The following KCND2 variants were observed in gnomAD, a reference collection of about 807,000 sequenced individuals.
KCND2 encodes potassium voltage-gated channel subfamily D member 2.
Under a neutral mutation model 54.4 loss-of-function variants are expected in KCND2, and 16 were observed. The observed-to-expected ratio is 0.29, with a 90% CI of 0.20 to 0.45. KCND2 has a LOEUF of 0.45. Ranked by LOEUF, KCND2 falls within the 20% of genes least tolerant of loss-of-function variation. The pLI, the probability that KCND2 is intolerant of heterozygous loss-of-function variation, is 1.00. For missense variants in KCND2, 486 were observed against 824.2 expected, an observed-to-expected ratio of 0.59 and a Z score of 5.02; for synonymous variants, 317 against 310.7, an observed-to-expected ratio of 1.02 and a Z score of -0.21.
chr7:120,711,637 A>T (rs754329132), intron 1 of KCND2, among the ~76,000 whole-genome samples: 1 of 152,274 alleles, frequency 6.6e-6, no homozygotes, highest in East Asian at 1.9e-4. Context: ...CTTGACATTA[A>T]TTATTTGTAT....
At chr7:120,592,354 C>G (rs1792682659) in intron 1 of KCND2, among the ~76,000 whole-genome samples, 1 of 152,104 alleles carries the variant, frequency 6.6e-6, no homozygotes, top group South Asian at 2.1e-4. Flanking sequence ...GGGTTCGAGA[C>G]CAGCCTGTCC....
chr7:120,732,178 A>G (rs1323213499), intron 1 of KCND2, among the ~76,000 whole-genome samples: 2 of 152,148 alleles, frequency 1.3e-5, no homozygotes, highest in African/African-American at 2.4e-5. Context: ...AAGAGGACGG[A>G]AGACTGAGAC....
chr7:120,484,381 C>G (rs1802659888), intron 1 of KCND2, among the ~76,000 whole-genome samples: 1 of 152,076 alleles, frequency 6.6e-6, no homozygotes, highest in African/African-American at 2.4e-5. Flanking sequence ...TCCTGAAGTC[C>G]TGGCTCAAGG....
At position 120,434,735 on chromosome 7, in the gene KCND2, G is replaced by A. The variant is rs141942665; in HGVS notation, c.1115+158988G>A. The stretch of plus-strand genomic sequence containing the variant: ...GCCTCTTGTGGGGACACAACTGAGA[G>A]AGCTCGTCATAGCTCATGGGTCCCA... On this transcript the variant is annotated intron_variant, in intron 1 of 5. Transcript: ENST00000331113. Among the ~76,000 whole-genome samples the A allele has an allele frequency of 1.2e-3, 189 of 152,252 alleles. 2 individuals are homozygous for A. In the East Asian group the frequency reaches 0.016, roughly 13 times the overall value.
At chr7:120,707,131 T>C (rs1227922395) in intron 1 of KCND2, among the ~76,000 whole-genome samples, 1 of 152,128 alleles carries the variant, frequency 6.6e-6, no homozygotes, top group Non-Finnish European at 1.5e-5. Context: ...GAACTTCTTT[T>C]TTGGTTTAAC....
chr7:120,334,843 T>C (rs1048739556), intron 1 of KCND2, among the ~76,000 whole-genome samples: 8 of 152,238 alleles, frequency 5.3e-5, no homozygotes, highest in Non-Finnish European at 1.2e-4. Flanking sequence ...AGGATTTAAA[T>C]TGTATTACAG....
chr7:120,381,461 A>G (rs922029882), intron 1 of KCND2, among the ~76,000 whole-genome samples: 1 of 152,130 alleles, frequency 6.6e-6, no homozygotes, highest in Non-Finnish European at 1.5e-5. Context: ...GATAGACAAT[A>G]AAAATAAGAC....
chr7:120,332,968 C>T (rs1800089798), intron 1 of KCND2, among the ~76,000 whole-genome samples: 1 of 152,046 alleles, frequency 6.6e-6, no homozygotes, highest in Admixed American at 6.5e-5. Context: ...ACCTTACATA[C>T]AGTTTAAAAT....
At chr7:120,472,378 A>T (rs7785421) in intron 1 of KCND2, among the ~76,000 whole-genome samples, 41,107 of 151,812 alleles carry the variant, frequency 0.27, 7,349 homozygotes, top group African/African-American at 0.49. Context: ...AATGGCAGAT[A>T]AGAGAATACC....
At position 120,733,038 on chromosome 7, in the gene KCND2, A is replaced by G; in HGVS notation, c.1251A>G (p.Gln417=). 1 of 1,613,588 alleles carries G rather than the reference A, an allele frequency of 6.2e-7. No individual in the cohort carries two copies. The highest frequency in any genetic ancestry group is 8.5e-7 in the Non-Finnish European group (1 of 1,179,702). Residue 417 remains glutamine (Q), a synonymous_variant, in exon 2 of 6, where the codon CAA becomes CAG. Transcript: ENST00000331113. ...SNFSRIYHQN[Q]RADKRRAQKK... ...TCAGTCGCATCTACCACCAGAATCAACGAGCAGACAAACGAAGGGCACAAA... is the reference window on the plus strand; with the variant it reads ...TCAGTCGCATCTACCACCAGAATCAGCGAGCAGACAAACGAAGGGCACAAA...
chr7:120,524,816 C>T (rs981237732), intron 1 of KCND2, among the ~76,000 whole-genome samples: 1 of 152,144 alleles, frequency 6.6e-6, no homozygotes, highest in South Asian at 2.1e-4. Flanking sequence ...GGTTAGCTAA[C>T]TTAGGATACC....
intron 1 of KCND2, among the ~76,000 whole-genome samples, chr7:120,669,341 T>C (rs1424579985): frequency 6.6e-6 from 1 of 152,108 alleles, no homozygotes; most frequent in Non-Finnish European, 1.5e-5. Context: ...CTTACACTTA[T>C]TTGGCTTTTG....
At chr7:120,547,941 C>G (rs1249644358) in intron 1 of KCND2, among the ~76,000 whole-genome samples, 2 of 151,994 alleles carry the variant, frequency 1.3e-5, no homozygotes, top group Non-Finnish European at 2.9e-5. Context: ...GAGACAGACT[C>G]TGACCTCAGA....
At chr7:120,711,191 G>T (rs1792532905) in intron 1 of KCND2, among the ~76,000 whole-genome samples, 1 of 152,022 alleles carries the variant, frequency 6.6e-6, no homozygotes, top group African/African-American at 2.4e-5. Flanking sequence ...TTTATGAATT[G>T]TGTGAGAGAT....
At chr7:120,586,744 A>G (rs1430585511) in intron 1 of KCND2, among the ~76,000 whole-genome samples, 1 of 152,150 alleles carries the variant, frequency 6.6e-6, no homozygotes, top group African/African-American at 2.4e-5. Flanking sequence ...CTACCAGTGT[A>G]GCATTTTAAG....
chr7:120,432,952 A>C (rs964450188), intron 1 of KCND2, among the ~76,000 whole-genome samples: 1 of 152,034 alleles, frequency 6.6e-6, no homozygotes, highest in Non-Finnish European at 1.5e-5. Flanking sequence ...TGCAAGGCCA[A>C]ATCTCAACTC....
rs1192838970 is a variant in KCND2 at position 120,740,223 on chromosome 7, CTAGGAG to C, written c.1279-1309_1279-1304del. The stretch of plus-strand genomic sequence containing the variant: ...TATTACCAGTGATTGTTTCTGAAGC[CTAGGAG>C]TGGGATGGCTCCAGGGTCAGAGACA... On this transcript the variant is annotated intron_variant, in intron 2 of 5. Coordinates refer to ENST00000331113, the MANE Select transcript of KCND2 (RefSeq NM_012281.3). Among the ~76,000 whole-genome samples, 7 of 152,030 alleles carry C rather than the reference CTAGGAG, an allele frequency of 4.6e-5. No homozygotes were observed. The East Asian group carries it at 1.4e-3, about 29-fold the overall frequency.
intron 1 of KCND2, among the ~76,000 whole-genome samples, chr7:120,542,127 C>G (rs1791986891): frequency 6.6e-6 from 1 of 152,044 alleles, no homozygotes; most frequent in Non-Finnish European, 1.5e-5. Flanking sequence ...TTTAGATCAT[C>G]AGGACTTTGT....
At chr7:120,468,375 G>T (rs1258749075) in intron 1 of KCND2, among the ~76,000 whole-genome samples, 3 of 151,942 alleles carry the variant, frequency 2.0e-5, no homozygotes, top group Non-Finnish European at 4.4e-5. Flanking sequence ...CTCTACAGTG[G>T]GTTGGAAAAT....
Sources: allele counts gnomAD v4.1 joint callset (sites outside exome capture counted in the v4.1 genomes callset), GRCh38; gene constraint gnomAD v4.1.1; transcripts MANE v1.5; gene names NCBI Gene and HGNC (gene_info 2026-07-23, HGNC 2026-07-21).